The following UBAC2 variants were observed in gnomAD, a reference collection of about 807,000 sequenced individuals.
UBAC2 encodes the protein UBA domain containing 2, also known as ubiquitin-associated domain-containing protein 2.
Under a neutral mutation model 44.0 loss-of-function variants are expected in UBAC2, and 26 were observed. The observed-to-expected ratio is 0.59, with a 90% CI of 0.43 to 0.82. The LOEUF (loss-of-function observed/expected upper bound fraction) is 0.82. UBAC2 is among the 40% of genes least tolerant of loss of function. UBAC2 has a pLI of 0.00. For synonymous variants in UBAC2, 155 were observed against 154.3 expected (o/e 1.00, Z -0.04); for missense variants, 329 against 419.4 (o/e 0.78, Z 1.88).
intron 4 of UBAC2, among the ~76,000 whole-genome samples, chr13:99,283,438 C>A (rs2043978456): frequency 1.3e-5 from 2 of 152,078 alleles, no homozygotes; most frequent in South Asian, 4.1e-4. Flanking sequence ...TTTACCCTTT[C>A]TCTTAAGAAA....
intron 2 of UBAC2, among the ~76,000 whole-genome samples, chr13:99,243,136 G>A (rs747674086): frequency 6.6e-6 from 1 of 152,018 alleles, no homozygotes; most frequent in African/African-American, 2.4e-5. Context: ...TCATTGTGAA[G>A]GGGAAATAAG....
chr13:99,205,887 T>C (rs2042866075), intron 1 of UBAC2: 1 of 157,620 alleles, frequency 6.3e-6, no homozygotes, highest in Non-Finnish European at 1.4e-5. Context: ...GGACCGGTCT[T>C]TGGTCAAGGG....
At chr13:99,329,361 C>T (rs976808631) in intron 6 of UBAC2, among the ~76,000 whole-genome samples, 6 of 152,156 alleles carry the variant, frequency 3.9e-5, no homozygotes, top group Non-Finnish European at 7.3e-5. Context: ...CTTGTAATTG[C>T]GTTGAAACTT....
intron 6 of UBAC2, among the ~76,000 whole-genome samples, chr13:99,337,169 C>G (rs1403521246): frequency 6.6e-6 from 1 of 152,150 alleles, no homozygotes; most frequent in African/African-American, 2.4e-5. Context: ...GAATTTGAGG[C>G]TTGGCATTTA....
intron 6 of UBAC2, among the ~76,000 whole-genome samples, chr13:99,323,217 C>G (rs530311208): frequency 1.3e-3 from 191 of 152,188 alleles, no homozygotes; most frequent in Middle Eastern, 6.8e-3. Context: ...GATAACTCCT[C>G]TGATGCACAA....
intron 4 of UBAC2, among the ~76,000 whole-genome samples, chr13:99,285,916 T>C (rs2044013557): frequency 6.6e-6 from 1 of 152,072 alleles, no homozygotes; most frequent in African/African-American, 2.4e-5. Context: ...GGTGCCAGAG[T>C]TCACAGTTCA....
In UBAC2 at chr13:99,368,682, T is replaced by A. The variant is rs373273400; in HGVS notation, c.927+776T>A. 3.0e-4 allele frequency among the ~76,000 whole-genome samples: 36 copies of A among 119,142 alleles called. 1 individual carries two copies. The Admixed American group carries it at 3.1e-3, about 10-fold the overall frequency. 78.2% of individuals were successfully genotyped at this position (119,142 alleles called of 152,430 possible). On this transcript the variant is annotated intron_variant, in intron 8 of 8. Transcript: ENST00000403766. Reference sequence around the variant, plus strand: ...AATTATCACTATCATCGTAAACTCATGAGAGAGTGTGTGTGTGTGTGTGTG... The same window carrying A: ...AATTATCACTATCATCGTAAACTCAAGAGAGAGTGTGTGTGTGTGTGTGTG...
chr13:99,266,989 C>G (rs2043752370), intron 4 of UBAC2, among the ~76,000 whole-genome samples: 1 of 152,132 alleles, frequency 6.6e-6, no homozygotes, highest in Admixed American at 6.5e-5. Flanking sequence ...CAGTTTCTCC[C>G]TATCTTGGCT....
At chr13:99,266,141 A>T (rs1194856179) in intron 4 of UBAC2, among the ~76,000 whole-genome samples, 2 of 151,960 alleles carry the variant, frequency 1.3e-5, no homozygotes, top group Non-Finnish European at 1.5e-5. Context: ...AATTTTTTTT[A>T]AAAGCTATTA....
At chr13:99,275,421 T>C (rs1201692492) in intron 4 of UBAC2, among the ~76,000 whole-genome samples, 1 of 152,236 alleles carries the variant, frequency 6.6e-6, no homozygotes, top group Non-Finnish European at 1.5e-5. Context: ...ATTTTTGTGA[T>C]TTCAGTTCAC....
intron 4 of UBAC2, among the ~76,000 whole-genome samples, chr13:99,259,783 T>G (rs1342256942): frequency 6.6e-6 from 1 of 152,214 alleles, no homozygotes; most frequent in Non-Finnish European, 1.5e-5. Flanking sequence ...TTTCTAAAAT[T>G]AAGTATTGAT....
intron 6 of UBAC2, among the ~76,000 whole-genome samples, chr13:99,338,736 A>G (rs2044839125): frequency 6.6e-6 from 1 of 152,156 alleles, no homozygotes; most frequent in African/African-American, 2.4e-5. Flanking sequence ...TTGGTACCAA[A>G]ACTGTTCTTG....
In UBAC2 at chr13:99,295,432, T is replaced by C; in HGVS notation, c.390-18665T>C. ...TAATTGTGTTGAGAGCCTTTTTGTT[T>C]ACACCAGATTTCTCAGTGAGTGGGT... On this transcript the variant is annotated intron_variant, in intron 4 of 8. Transcript: ENST00000403766. The surrounding 1 kb of genome is among the most constrained non-coding windows in gnomAD (Gnocchi z 4.1). 1.2e-6 allele frequency: 2 copies of C among 1,614,176 alleles called. No individual in the cohort carries two copies. The highest frequency in any genetic ancestry group is 2.2e-5 in the South Asian group (2 of 91,074).
chr13:99,230,291 C>G (rs2043157997), intron 1 of UBAC2, among the ~76,000 whole-genome samples: 1 of 152,094 alleles, frequency 6.6e-6, no homozygotes, highest in African/African-American at 2.4e-5. Context: ...TGGCAAAACC[C>G]TGTCTTTACT....
intron 8 of UBAC2, among the ~76,000 whole-genome samples, chr13:99,372,889 C>CG (rs915825882): frequency 5.3e-5 from 8 of 152,042 alleles, no homozygotes; most frequent in African/African-American, 1.9e-4. Flanking sequence ...CTGAGGCGGA[C>CG]GGATCACGAG....
chr13:99,316,745 C>T (rs1044768763), intron 5 of UBAC2, among the ~76,000 whole-genome samples: 2 of 152,190 alleles, frequency 1.3e-5, no homozygotes, highest in African/African-American at 4.8e-5. Context: ...ATGATACGCT[C>T]TTTTTACTTG....
At chr13:99,215,093 A>C (rs929215219) in intron 1 of UBAC2, among the ~76,000 whole-genome samples, 3 of 152,100 alleles carry the variant, frequency 2.0e-5, no homozygotes, top group African/African-American at 7.2e-5. Flanking sequence ...TCTGCATTAC[A>C]ATTAAAATCC....
At chr13:99,221,535 G>C (rs1371992369) in intron 1 of UBAC2, among the ~76,000 whole-genome samples, 1 of 152,162 alleles carries the variant, frequency 6.6e-6, no homozygotes, top group Non-Finnish European at 1.5e-5. Flanking sequence ...AGTGTACTCA[G>C]CCTCACCTTT....
At chr13:99,256,009 G>C in intron 4 of UBAC2, 1 of 751,764 alleles carries the variant, frequency 1.3e-6, no homozygotes, top group Non-Finnish European at 2.1e-6. Context: ...TTAAGTTCGA[G>C]AGCATTTAAT....
Sources: gnomAD v4.1 joint callset for allele counts (sites outside exome capture counted in the v4.1 genomes callset) on GRCh38, gnomAD v4.1.1 for gene constraint, Gnocchi (gnomAD v3.1) non-coding constraint, MANE v1.5 for transcripts, NCBI Gene and HGNC (gene_info 2026-07-23, HGNC 2026-07-21) for gene names.